Variants in ABCG1 observed in about 807,000 individuals in gnomAD.
ABCG1 encodes ATP-binding cassette sub-family G member 1.
In ABCG1, 29 loss-of-function variants were observed where a neutral mutation model predicts 69.2. The observed-to-expected ratio is 0.42, with a 90% CI of 0.31 to 0.57. The LOEUF is 0.57. Ranked by LOEUF, ABCG1 falls within the 20% of genes least tolerant of loss-of-function variation. The pLI is 0.15. For synonymous variants in ABCG1, 370 were observed against 374.8 expected, an observed-to-expected ratio of 0.99 and a Z score of 0.15; for missense variants, 718 against 898.1, an observed-to-expected ratio of 0.80 and a Z score of 2.56.
intron 5 of ABCG1, 74 bp downstream of exon 5, chr21:42,277,019 G>GGC: frequency 6.7e-7 from 1 of 1,485,478 alleles, no homozygotes; most frequent in Admixed American, 1.7e-5. Flanking sequence ...TGCCTGCCGG[G>GGC]GCATTTTGGC....
At chr21:42,209,756 C>T (rs1262098700) in intron 2 of ABCG1, among the ~76,000 whole-genome samples, 1 of 152,248 alleles carries the variant, frequency 6.6e-6, no homozygotes, top group Non-Finnish European at 1.5e-5. Context: ...ATAAGATGCA[C>T]ACTATGTGCC....
At chr21:42,238,661 G>T (rs1248032471) in intron 2 of ABCG1, among the ~76,000 whole-genome samples, 2 of 152,200 alleles carry the variant, frequency 1.3e-5, no homozygotes, top group Non-Finnish European at 2.9e-5. Context: ...ACAAAGCTTG[G>T]CAAGCAACAT....
intron 2 of ABCG1, among the ~76,000 whole-genome samples, chr21:42,252,005 C>A (rs1356591013): frequency 1.3e-5 from 2 of 152,228 alleles, no homozygotes; most frequent in Admixed American, 6.5e-5. Context: ...TGGCAGCCAC[C>A]CTGACCATGC....
At chr21:42,274,917 T>G (rs886634642) in intron 4 of ABCG1, among the ~76,000 whole-genome samples, 4 of 152,174 alleles carry the variant, frequency 2.6e-5, no homozygotes, top group African/African-American at 9.7e-5. Flanking sequence ...CATGGCTGGC[T>G]TTATGTGGGG....
chr21:42,236,212 G>A (rs766048691), intron 2 of ABCG1, among the ~76,000 whole-genome samples: 6 of 152,238 alleles, frequency 3.9e-5, no homozygotes, highest in Non-Finnish European at 7.3e-5. Flanking sequence ...GAGATCATGC[G>A]GCAAGGTCAC....
intron 2 of ABCG1, among the ~76,000 whole-genome samples, chr21:42,238,511 A>G (rs1382154807): frequency 1.3e-5 from 2 of 152,216 alleles, no homozygotes; most frequent in Non-Finnish European, 2.9e-5. Flanking sequence ...TGCGTGTACA[A>G]GACAGGTAAC....
intron 2 of ABCG1, among the ~76,000 whole-genome samples, chr21:42,263,989 G>A (rs959986056): frequency 3.9e-5 from 6 of 152,172 alleles, no homozygotes; most frequent in African/African-American, 9.7e-5. Flanking sequence ...TTCCAGGTTC[G>A]CGGGGCATGA....
intron 1 of ABCG1, 85 bp from the exon 2 acceptor site, chr21:42,225,586 C>A: frequency 6.5e-7 from 1 of 1,533,668 alleles, no homozygotes; most frequent in Middle Eastern, 1.7e-4. Context: ...TAACCAATGA[C>A]CCTGAGCCTC....
intron 2 of ABCG1, among the ~76,000 whole-genome samples, chr21:42,227,319 G>A (rs2067832294): frequency 6.6e-6 from 1 of 152,172 alleles, no homozygotes; most frequent in African/African-American, 2.4e-5. Flanking sequence ...TAGGGTTCTA[G>A]AATTCTCCTT....
chr21:42,278,331 C>T (rs1288897155), intron 5 of ABCG1, among the ~76,000 whole-genome samples: 2 of 152,180 alleles, frequency 1.3e-5, no homozygotes, highest in African/African-American at 4.8e-5. Flanking sequence ...GAGAATGTTA[C>T]TTATACCAAG....
At chr21:42,210,485 T>A (rs2067577956) in intron 2 of ABCG1, among the ~76,000 whole-genome samples, 2 of 152,238 alleles carry the variant, frequency 1.3e-5, no homozygotes, top group South Asian at 4.1e-4. Flanking sequence ...TTGAAGGTCA[T>A]CTTGGGGCCA....
chr21:42,220,631 C>T (rs2067710720), intron 1 of ABCG1, among the ~76,000 whole-genome samples: 1 of 152,282 alleles, frequency 6.6e-6, no homozygotes, highest in Non-Finnish European at 1.5e-5. Flanking sequence ...TGACTCGCCT[C>T]TCTGGGCTGC....
intron 2 of ABCG1, among the ~76,000 whole-genome samples, chr21:42,206,675 T>C (rs2067545540): frequency 5.9e-5 from 9 of 152,204 alleles, no homozygotes; most frequent in Admixed American, 5.9e-4. Flanking sequence ...CAGGCTGATC[T>C]CAAACTCCTG....
At chr21:42,256,267 C>T in intron 2 of ABCG1, 2 of 1,501,486 alleles carry the variant, frequency 1.3e-6, no homozygotes, top group Non-Finnish European at 1.8e-6. Flanking sequence ...ACTTACCTGC[C>T]TGCCCTCCCG....
chr21:42,242,587 A>G (rs1183597611), intron 2 of ABCG1, among the ~76,000 whole-genome samples: 1 of 152,182 alleles, frequency 6.6e-6, no homozygotes, highest in Non-Finnish European at 1.5e-5. Context: ...CCTGGAACCA[A>G]GTGGTGACGC....
chr21:42,224,277 G>C (rs2067778126), intron 1 of ABCG1, among the ~76,000 whole-genome samples: 1 of 152,170 alleles, frequency 6.6e-6, no homozygotes, highest in Non-Finnish European at 1.5e-5. Context: ...CAGCAGCATG[G>C]GATCCCAGAG....
intron 5 of ABCG1, among the ~76,000 whole-genome samples, chr21:42,279,134 C>T (rs1213313537): frequency 2.0e-5 from 3 of 152,182 alleles, no homozygotes; most frequent in East Asian, 3.9e-4. Context: ...AGCCCTCCAT[C>T]GAGGTCCCAA....
At chr21:42,219,088 C>T, upstream of ABCG1, 1 of 461,096 alleles carries the variant, frequency 2.2e-6, no homozygotes, top group Non-Finnish European at 3.1e-6. The surrounding 1 kb of genome is among the most constrained non-coding windows in gnomAD (Gnocchi z 5.3). Context: ...CAATCGCGCG[C>T]TCGGGGCGGG....
chr21:42,238,611 T>C (rs2068008796), intron 2 of ABCG1, among the ~76,000 whole-genome samples: 1 of 152,228 alleles, frequency 6.6e-6, no homozygotes, highest in African/African-American at 2.4e-5. Context: ...TTTCAGTATC[T>C]ACATTTGTGA....
Sources: allele counts gnomAD v4.1 joint callset (sites outside exome capture counted in the v4.1 genomes callset), GRCh38; gene constraint gnomAD v4.1.1; non-coding constraint Gnocchi (gnomAD v3.1); transcripts MANE v1.5; gene names NCBI Gene and HGNC (gene_info 2026-07-23, HGNC 2026-07-21).